The following TRPM7 variants were observed in gnomAD, a reference collection of about 807,000 sequenced individuals.
The protein encoded by TRPM7 is LTRPC ion channel family member 7.
TRPM7 carries 134 observed loss-of-function variants against 229.7 expected under a neutral mutation model. The ratio of observed to expected loss-of-function variants is 0.58; its 90% CI spans 0.51 to 0.67. The LOEUF (loss-of-function observed/expected upper bound fraction) is 0.67, where lower values mean the gene tolerates loss of function less well. Ranked by LOEUF, TRPM7 falls within the 30% of genes least tolerant of loss-of-function variation. TRPM7 has a pLI of 0.00. For synonymous variants in TRPM7, 699 were observed against 715.2 expected, an observed-to-expected ratio of 0.98 and a Z score of 0.36; for missense variants, 1,901 against 2,210.0, an observed-to-expected ratio of 0.86 and a Z score of 2.80.
intron 38 of TRPM7, among the ~76,000 whole-genome samples, chr15:50,563,714 T>C (rs1456105342): frequency 6.6e-6 from 1 of 152,226 alleles, no homozygotes; most frequent in East Asian, 1.9e-4. Context: ...AGATGCTTTA[T>C]AGCAAGCCTG....
intron 3 of TRPM7, among the ~76,000 whole-genome samples, chr15:50,650,192 CAAAAAAAAAAA>C (rs59579538): frequency 0.13 from 8,304 of 62,322 alleles, 322 homozygotes; most frequent in South Asian, 0.25. Flanking sequence ...GACTTTGTCT[CAAAAAAAAAAA>C]AAAAAAAAAA....
At chr15:50,645,683 T>C (rs1296450055) in intron 4 of TRPM7, among the ~76,000 whole-genome samples, 1 of 152,186 alleles carries the variant, frequency 6.6e-6, no homozygotes, top group Non-Finnish European at 1.5e-5. Context: ...AACTCATTAT[T>C]ATATTTGGGC....
intron 21 of TRPM7, chr15:50,599,744 CA>C: frequency 6.6e-6 from 1 of 152,396 alleles, no homozygotes; most frequent in South Asian, 2.1e-4. Context: ...CCACTTCACA[CA>C]AAAAAAGAAC....
chr15:50,575,923 G>C lies in TRPM7; in HGVS notation c.4619-4C>G. The C allele has an allele frequency of 6.2e-7, 1 of 1,612,950 alleles. No homozygotes were observed. Among genetic ancestry groups the C allele is most frequent in the Non-Finnish European group, 8.5e-7 (1 of 1,179,486 alleles). On this transcript the variant is annotated splice_region_variant and splice_polypyrimidine_tract_variant and intron_variant, in intron 31 of 38. Transcript: ENST00000646667. The stretch of plus-strand genomic sequence containing the variant: ...GGCTTAAATGGAGAAGTGAGACCTA[G>C]AATGGCAAATAAACAAACGAGACCA...
chr15:50,644,679 C>G (rs2061206566), intron 4 of TRPM7, among the ~76,000 whole-genome samples: 1 of 151,856 alleles, frequency 6.6e-6, no homozygotes, highest in Admixed American at 6.6e-5. Context: ...TGCTTGTAAT[C>G]CCAGCTACTT....
chr15:50,635,680 AAAAAAAAAAAAG>A (rs1195383842), intron 7 of TRPM7, among the ~76,000 whole-genome samples: 3 of 144,168 alleles, frequency 2.1e-5, no homozygotes, highest in Non-Finnish European at 3.0e-5. Flanking sequence ...AAAAAAAAAA[AAAAAAAAAAAAG>A]AGGACGGCTG....
intron 1 of TRPM7, among the ~76,000 whole-genome samples, chr15:50,677,720 CAGA>C (rs2062125255): frequency 1.3e-5 from 1 of 76,678 alleles, no homozygotes; most frequent in Admixed American, 2.1e-4. Context: ...GCCTGGGCAA[CAGA>C]ACAAGACCCC....
chr15:50,622,684 A>G (rs540043954), intron 12 of TRPM7, among the ~76,000 whole-genome samples: 43 of 152,074 alleles, frequency 2.8e-4, no homozygotes, highest in South Asian at 8.3e-4. Flanking sequence ...TCGGGAGTTC[A>G]AGACCAGCCT....
intron 27 of TRPM7, 97 bp from the exon 28 acceptor site, chr15:50,586,585 C>A: frequency 2.8e-6 from 2 of 718,168 alleles, no homozygotes; most frequent in South Asian, 1.8e-5. Context: ...CTATTTAGCT[C>A]AATATGCTTT....
At chr15:50,568,066 G>A (rs191907733) in intron 38 of TRPM7, among the ~76,000 whole-genome samples, 2,393 of 117,434 alleles carry the variant, frequency 0.02, 37 homozygotes, top group Admixed American at 0.037. Flanking sequence ...GCAACAGAGC[G>A]AGACTCCGTC....
rs1566953955 is a variant in TRPM7, at chr15:50,583,150, A to AT, written c.4495dup (p.Ile1499AsnfsTer3). On this transcript the variant is annotated frameshift_variant, in exon 29 of 39. Transcript: ENST00000646667. LOFTEE classifies it high-confidence loss of function. ...GTCTTCGGTAGATGGCCTTCTACTG[A>AT]TTTTTTCTGCTAAAAGAAAATTAAA... is the stretch of plus-strand genomic sequence containing the variant. 1.9e-6 allele frequency: 3 copies of AT among 1,601,804 alleles called. No homozygotes were observed. Among genetic ancestry groups the AT allele is most frequent in the East Asian group, 2.2e-5 (1 of 44,594 alleles).
chr15:50,577,377 G>A (rs370178809), intron 31 of TRPM7, among the ~76,000 whole-genome samples: 19 of 152,098 alleles, frequency 1.2e-4, no homozygotes, highest in East Asian at 1.2e-3. Context: ...GTGAAATCTC[G>A]TCTCTACAGA....
intron 38 of TRPM7, among the ~76,000 whole-genome samples, chr15:50,563,960 A>G (rs979697544): frequency 6.6e-6 from 1 of 152,104 alleles, no homozygotes; most frequent in African/African-American, 2.4e-5. Flanking sequence ...CTGTGGTTCA[A>G]GCGATTCTTG....
intron 3 of TRPM7, among the ~76,000 whole-genome samples, chr15:50,649,707 C>G (rs1026129886): frequency 6.6e-6 from 1 of 152,128 alleles, no homozygotes; most frequent in Non-Finnish European, 1.5e-5. Context: ...GAAGCACATA[C>G]TGGACTATAA....
chr15:50,592,710 A>T, intron 25 of TRPM7, 84 bp from the exon 26 acceptor site: 1 of 988,892 alleles, frequency 1.0e-6, no homozygotes. Context: ...ATAATGATAA[A>T]AAGAGAAAAA....
At chr15:50,582,989 A>T in intron 29 of TRPM7, 100 bp downstream of exon 29, 1 of 890,128 alleles carries the variant, frequency 1.1e-6, no homozygotes. Flanking sequence ...AATTTTTTTG[A>T]ATTTTTGATA....
At chr15:50,569,053 A>T (rs73408925) in intron 38 of TRPM7, among the ~76,000 whole-genome samples, 3,172 of 151,934 alleles carry the variant, frequency 0.021, 120 homozygotes, top group African/African-American at 0.072. Context: ...TTTTTTTTTT[A>T]AATTTAATTT....
At position 50,605,074 on chromosome 15, in the gene TRPM7, C is replaced by T; in HGVS notation, c.2780G>A (p.Ser927Asn). 6.2e-7 allele frequency: 1 copy of T among 1,613,676 alleles called. No individual in the cohort carries two copies. Among genetic ancestry groups the T allele is most frequent in the South Asian group, 1.1e-5 (1 of 91,060 alleles). ...KVWFSDYFNI[S>N]DTIAIISFFI... ...GAAAGAAATTATGGCAATTGTATCACTGATGTTGAAGTAATCACTAAACCA... is the reference window on the plus strand; with the variant it reads ...GAAAGAAATTATGGCAATTGTATCATTGATGTTGAAGTAATCACTAAACCA... The change falls in exon 21 of 39, where the codon AGT (serine) becomes AAT (asparagine). Residue 927 changes from serine (S) to asparagine (N), a missense_variant. Ser to Asn is a conservative substitution (Grantham distance 46). Transcript: ENST00000646667.
intron 30 of TRPM7, among the ~76,000 whole-genome samples, chr15:50,579,308 T>C (rs2140295837): frequency 6.6e-6 from 1 of 152,322 alleles, no homozygotes; most frequent in Admixed American, 6.5e-5. Flanking sequence ...TATGTAGCCT[T>C]GCTCAGGAAT....
Sources: allele counts gnomAD v4.1 joint callset (sites outside exome capture counted in the v4.1 genomes callset), GRCh38; gene constraint gnomAD v4.1.1; transcripts MANE v1.5; gene names NCBI Gene and HGNC (gene_info 2026-07-23, HGNC 2026-07-21).